COL13A1: variants seen among roughly 807,000 people sequenced by gnomAD.
COL13A1 encodes the protein collagen type XIII alpha 1 chain.
Under a neutral mutation model 130.9 loss-of-function variants are expected in COL13A1, and 89 were observed. The observed-to-expected ratio is 0.68, with a 90% confidence interval of 0.57 to 0.81. The LOEUF is 0.81. Among genes scored for constraint, COL13A1 ranks in the 30% least tolerant of loss-of-function variants. COL13A1 has a pLI of 0.00. For synonymous variants in COL13A1, 402 were observed against 341.6 expected (o/e 1.18, Z -1.95); for missense variants, 879 against 934.6 (o/e 0.94, Z 0.78).
At chr10:69,888,673 T>A (rs1283347419) in intron 9 of COL13A1, among the ~76,000 whole-genome samples, 1 of 152,064 alleles carries the variant, frequency 6.6e-6, no homozygotes, top group East Asian at 1.9e-4. Flanking sequence ...GCCTGGCCAC[T>A]CATGCACACG....
At chr10:69,890,030 C>A (rs1125133) in intron 10 of COL13A1, among the ~76,000 whole-genome samples, 6,086 of 152,278 alleles carry the variant, frequency 0.04, 157 homozygotes, top group Non-Finnish European at 0.06. Context: ...GGAGCAGGAG[C>A]AAGGTCTTCT....
chr10:69,948,768 C>T (rs773046466), intron 38 of COL13A1, among the ~76,000 whole-genome samples: 12 of 152,166 alleles, frequency 7.9e-5, no homozygotes, highest in African/African-American at 1.4e-4. Context: ...CTTCAAGGGA[C>T]GGTGACCATG....
intron 4 of COL13A1, 90 bp from the exon 5 acceptor site, chr10:69,875,038 T>C: frequency 6.5e-7 from 1 of 1,544,638 alleles, no homozygotes; most frequent in South Asian, 1.1e-5. Flanking sequence ...AGCTGTGCCC[T>C]AAATCAGGTG....
intron 4 of COL13A1, among the ~76,000 whole-genome samples, chr10:69,872,920 C>T (rs2059216896): frequency 6.6e-6 from 1 of 152,350 alleles, no homozygotes; most frequent in South Asian, 2.1e-4. Context: ...CCATTCCATA[C>T]TGCTGTTGCT....
chr10:69,895,353 A>C (rs1209064972), intron 12 of COL13A1, among the ~76,000 whole-genome samples, 197 bp from the exon 13 acceptor site: 1 of 152,094 alleles, frequency 6.6e-6, no homozygotes, highest in Non-Finnish European at 1.5e-5. Flanking sequence ...AGGCCATGGA[A>C]GTTTCTTCCC....
At chr10:69,874,420 A>C (rs781079863) in intron 4 of COL13A1, among the ~76,000 whole-genome samples, 2 of 152,198 alleles carry the variant, frequency 1.3e-5, no homozygotes, top group Non-Finnish European at 2.9e-5. Flanking sequence ...ATATGATGGC[A>C]AAAAAATATT....
At chr10:69,844,076 C>G (rs1447257782) in intron 2 of COL13A1, among the ~76,000 whole-genome samples, 1 of 152,216 alleles carries the variant, frequency 6.6e-6, no homozygotes, top group East Asian at 1.9e-4. Context: ...AAAGGAATAG[C>G]AAGCCCTGAG....
intron 15 of COL13A1, among the ~76,000 whole-genome samples, chr10:69,903,521 A>G (rs2062417491): frequency 6.6e-6 from 1 of 152,220 alleles, no homozygotes; most frequent in Admixed American, 6.5e-5. Flanking sequence ...TTCCCAGCCC[A>G]ATTTATACAA....
rs772238025 is a variant in COL13A1 at position 69,958,924 on chromosome 10, G to A, written c.*223G>A. 62 of 566,896 alleles carry A rather than the reference G, an allele frequency of 1.1e-4. 1 individual carries two copies. The highest frequency in any genetic ancestry group is 1.5e-4 in the Non-Finnish European group (50 of 332,344). The allele number at this position is 566,896 out of a possible 1,614,324, so 35.1% of individuals were successfully genotyped here. A position where few individuals can be genotyped will look rare whatever the true frequency, so the allele number is the denominator to read the frequency against. On this transcript the variant is annotated 3_prime_UTR_variant, in exon 41 of 41. Coordinates refer to ENST00000645393, the MANE Select transcript of COL13A1 (RefSeq NM_001368882.1). ...TCTCTAATACATTTTTTGTTTGGTC[G>A]TAATGTCTGCATGATATTTGTGCAC...
chr10:69,947,428 A>G, intron 38 of COL13A1, 86 bp downstream of exon 38: 1 of 1,301,648 alleles, frequency 7.7e-7, no homozygotes, highest in Non-Finnish European at 1.1e-6. Context: ...CCTGACCAAC[A>G]TGGCGAACAG....
At chr10:69,918,170 G>A (rs993308676) in intron 18 of COL13A1, 115 bp from the exon 19 acceptor site, 12 of 860,590 alleles carry the variant, frequency 1.4e-5, no homozygotes, top group African/African-American at 1.7e-5. Context: ...GGGTTGGGAG[G>A]AGTGAGCGGT....
intron 37 of COL13A1, among the ~76,000 whole-genome samples, chr10:69,946,741 C>T (rs568585201): frequency 7.2e-5 from 11 of 152,304 alleles, no homozygotes; most frequent in African/African-American, 1.7e-4. Context: ...CAGCCACAGG[C>T]CAGGACCTGG....
rs762174692 is a variant in COL13A1 at position 69,918,270 on chromosome 10, T to TTC, written c.967-7_967-6dup. Reference sequence around the variant, plus strand: ...GCAGAATGTCTTCAGACCTTTTTTTTTCTCTCTCTGCCAGGGGGCGCCCGG... The same window carrying TTC: ...GCAGAATGTCTTCAGACCTTTTTTTTTCTCTCTCTCTGCCAGGGGGCGCCCGG... On this transcript the variant is annotated splice_polypyrimidine_tract_variant and intron_variant, in intron 18 of 40. Transcript: ENST00000645393. The TTC allele has an allele frequency of 3.1e-6, 5 of 1,611,184 alleles. No homozygotes were observed. The African/African-American group carries it at 6.7e-5, about 22-fold the overall frequency.
At chr10:69,909,048 T>C (rs1442798904) in intron 17 of COL13A1, among the ~76,000 whole-genome samples, 1 of 152,110 alleles carries the variant, frequency 6.6e-6, no homozygotes, top group Non-Finnish European at 1.5e-5. Context: ...GCTGGGACAC[T>C]GAAAATCCCT....
chr10:69,936,610 G>A (rs1475703721), intron 32 of COL13A1, 146 bp from the exon 33 acceptor site: 1 of 798,896 alleles, frequency 1.3e-6, no homozygotes, highest in Non-Finnish European at 2.0e-6. Flanking sequence ...CCCCCACTTA[G>A]CATTTCTTTC....
At chr10:69,896,893 C>G (rs1177778504) in intron 13 of COL13A1, among the ~76,000 whole-genome samples, 2 of 152,210 alleles carry the variant, frequency 1.3e-5, no homozygotes, top group African/African-American at 4.8e-5. Flanking sequence ...AGAAGGTCAG[C>G]TGTGTTTATT....
chr10:69,815,855 G>T (rs919352708), intron 1 of COL13A1, among the ~76,000 whole-genome samples: 1 of 151,198 alleles, frequency 6.6e-6, no homozygotes, highest in Non-Finnish European at 1.5e-5. Flanking sequence ...ACATTCCAGT[G>T]CTACAAAGAG....
chr10:69,898,812 G>C, intron 14 of COL13A1, 50 bp downstream of exon 14: 1 of 1,481,416 alleles, frequency 6.8e-7, no homozygotes, highest in Non-Finnish European at 9.3e-7. Flanking sequence ...CAAGGGGCCC[G>C]GCAAGCCTGC....
intron 23 of COL13A1, among the ~76,000 whole-genome samples, 156 bp from the exon 24 acceptor site, chr10:69,923,646 A>G (rs1475727165): frequency 6.6e-6 from 1 of 152,150 alleles, no homozygotes; most frequent in African/African-American, 2.4e-5. Context: ...CATGGGTAGG[A>G]GTCAGGGAGG....
Sources: allele counts gnomAD v4.1 joint callset (sites outside exome capture counted in the v4.1 genomes callset), GRCh38; gene constraint gnomAD v4.1.1; transcripts MANE v1.5; gene names NCBI Gene and HGNC (gene_info 2026-07-23, HGNC 2026-07-21).